Variants in SCN1A observed in about 807,000 individuals in gnomAD.
The protein encoded by SCN1A is sodium channel protein type 1 subunit alpha.
SCN1A carries 13 observed loss-of-function variants against 193.7 expected under a neutral mutation model. That is an observed-to-expected ratio of 0.07 (90% confidence interval 0.04 to 0.11). The LOEUF is 0.11. SCN1A is among the 10% of genes least tolerant of loss of function. The pLI, the probability that SCN1A is intolerant of heterozygous loss-of-function variation, is 1.00. For missense variants in SCN1A, 1,432 were observed against 2,451.1 expected, an observed-to-expected ratio of 0.58 and a Z score of 8.78; for synonymous variants, 781 against 843.6, an observed-to-expected ratio of 0.93 and a Z score of 1.29.
At chr2:166,103,223 G>A (rs1688313449) in intron 2 of SCN1A, among the ~76,000 whole-genome samples, 2 of 152,056 alleles carry the variant, frequency 1.3e-5, no homozygotes, top group Admixed American at 6.6e-5. Flanking sequence ...AGCCAAGGAG[G>A]GCGGATCACC....
chr2:166,107,899 T>C (rs1016027787), intron 2 of SCN1A, among the ~76,000 whole-genome samples: 1 of 152,100 alleles, frequency 6.6e-6, no homozygotes, highest in Admixed American at 6.6e-5. Context: ...GGTAATAATT[T>C]CTTGGCTGCA....
chr2:166,122,348 G>C (rs1384919468), intron 2 of SCN1A, among the ~76,000 whole-genome samples: 2 of 152,160 alleles, frequency 1.3e-5, no homozygotes, highest in African/African-American at 4.8e-5. Flanking sequence ...GGAAATATTT[G>C]CTCATTATCT....
intron 2 of SCN1A, among the ~76,000 whole-genome samples, chr2:166,086,279 C>T (rs947134100): frequency 3.3e-5 from 5 of 152,124 alleles, no homozygotes; most frequent in African/African-American, 9.7e-5. Context: ...ACTTTCCCTC[C>T]ATTGGTGCCT....
At chr2:166,005,080 T>C (rs1337793723) in intron 23 of SCN1A, among the ~76,000 whole-genome samples, 3 of 151,420 alleles carry the variant, frequency 2.0e-5, no homozygotes, top group African/African-American at 4.8e-5. Flanking sequence ...TGCTCCCACT[T>C]ATCTGGTACC....
chr2:166,075,211 A>C (rs1684871166), intron 3 of SCN1A: 1 of 152,104 alleles, frequency 6.6e-6, no homozygotes, highest in African/African-American at 2.4e-5. Flanking sequence ...TTGATAGAAA[A>C]TATATGTAAA....
intron 2 of SCN1A, among the ~76,000 whole-genome samples, chr2:166,078,209 T>C (rs566675313): frequency 6.6e-6 from 1 of 151,910 alleles, no homozygotes; most frequent in African/African-American, 2.4e-5. Context: ...GTTGTAACTA[T>C]ATACAATACC....
rs993567392 is a variant in SCN1A at position 166,141,303 on chromosome 2, G to A, written c.-50+7744C>T. On this transcript the variant is annotated intron_variant, in intron 1 of 26. Transcript: ENST00000635750. ...GGCCCAGTCTGCAGTGGCAATCGCT[G>A]TTAATTTTTTTTTTTTTATCTTCTT... Among the ~76,000 whole-genome samples the A allele has an allele frequency of 1.0e-4, 6 of 60,110 alleles. No homozygotes were observed. In the East Asian group the frequency reaches 2.0e-3, roughly 20 times the overall value. 39.4% of individuals were successfully genotyped at this position (60,110 alleles called of 152,430 possible).
intron 2 of SCN1A, among the ~76,000 whole-genome samples, chr2:166,105,777 C>T (rs1195408638): frequency 6.6e-6 from 1 of 152,164 alleles, no homozygotes; most frequent in Non-Finnish European, 1.5e-5. Context: ...AATTCCTTTT[C>T]AGGGATAGCA....
Position 166,002,461 on chromosome 2 carries a change from T to C in SCN1A, c.4284+11A>G. 6.2e-7 allele frequency: 1 copy of C among 1,607,358 alleles called. No individual in the cohort carries two copies. The highest frequency in any genetic ancestry group is 8.5e-7 in the Non-Finnish European group (1 of 1,175,342). On this transcript the variant is annotated intron_variant, in intron 24 of 28. Transcript: ENST00000674923. ...CAATAAAAATATTCAGAGAAAATAG[T>C]GTTCACTTACAACTTGAAGCAAAGA...
At chr2:166,144,342 A>G (rs1292214931) in intron 1 of SCN1A, among the ~76,000 whole-genome samples, 1 of 152,166 alleles carries the variant, frequency 6.6e-6, no homozygotes, top group Non-Finnish European at 1.5e-5. Context: ...TCAGTGTGGT[A>G]CCTCTGGTAA....
intron 2 of SCN1A, among the ~76,000 whole-genome samples, chr2:166,086,057 T>C (rs1055578137): frequency 6.6e-6 from 1 of 152,192 alleles, no homozygotes; most frequent in Admixed American, 6.5e-5. Flanking sequence ...AATAAAATTC[T>C]AAGCCCCCTG....
intron 2 of SCN1A, among the ~76,000 whole-genome samples, chr2:166,110,422 T>C (rs575685321): frequency 5.7e-4 from 87 of 152,264 alleles, no homozygotes; most frequent in African/African-American, 2.0e-3. Context: ...ACAAAAATGA[T>C]AAGAAAGTAA....
chr2:166,080,504 T>C (rs376961001), intron 2 of SCN1A, among the ~76,000 whole-genome samples: 1 of 151,780 alleles, frequency 6.6e-6, no homozygotes, highest in South Asian at 2.1e-4. Flanking sequence ...TCTGAAGGAA[T>C]TTTAAAAAAT....
intron 2 of SCN1A, among the ~76,000 whole-genome samples, chr2:166,099,391 C>G (rs1209729511): frequency 6.6e-6 from 1 of 150,888 alleles, no homozygotes; most frequent in Non-Finnish European, 1.5e-5. Flanking sequence ...TATGACAAAC[C>G]CACAGCCAAT....
intron 23 of SCN1A, among the ~76,000 whole-genome samples, chr2:166,004,835 A>G (rs1016979475): frequency 6.6e-6 from 1 of 151,476 alleles, no homozygotes; most frequent in African/African-American, 2.4e-5. Flanking sequence ...TTTAGTTCAA[A>G]TAGCACTTCT....
At chr2:166,072,709 A>T (rs1304221137) in intron 4 of SCN1A, among the ~76,000 whole-genome samples, 2 of 151,986 alleles carry the variant, frequency 1.3e-5, no homozygotes, top group Non-Finnish European at 2.9e-5. Flanking sequence ...ATTTCCAAGT[A>T]CAGAAAGTAC....
intron 2 of SCN1A, among the ~76,000 whole-genome samples, chr2:166,118,389 T>C (rs779850425): frequency 9.7e-5 from 14 of 144,746 alleles, no homozygotes; most frequent in Non-Finnish European, 1.9e-4. Flanking sequence ...TCTTCTTGAG[T>C]ATGCTCAAAC....
At position 165,989,079 on chromosome 2, in the gene SCN1A, C is replaced by T. The variant is rs1200995710; in HGVS notation, c.*2166G>A. ...GTGTGTGTGTGTGTGCGCGCGCGCT[C>T]CCCTTCTCCCCCAATTTGTAATGTA... On this transcript the variant is annotated 3_prime_UTR_variant, in exon 29 of 29. Transcript: ENST00000674923. 2.0e-5 allele frequency: 3 copies of T among 149,712 alleles called. No homozygotes were observed. The highest frequency in any genetic ancestry group is 7.4e-5 in the African/African-American group (3 of 40,496). 9.3% of individuals were successfully genotyped at this position (149,712 alleles called of 1,614,324 possible). A position where few individuals can be genotyped will look rare whatever the true frequency, so the allele number is the denominator to read the frequency against.
chr2:166,004,827 T>G (rs1463254321), intron 23 of SCN1A, among the ~76,000 whole-genome samples: 1 of 151,486 alleles, frequency 6.6e-6, no homozygotes, highest in East Asian at 1.9e-4. Context: ...TTAAAGGCTT[T>G]AGTTCAAATA....
Sources: allele counts gnomAD v4.1 joint callset (sites outside exome capture counted in the v4.1 genomes callset), GRCh38; gene constraint gnomAD v4.1.1; transcripts MANE v1.5; gene names NCBI Gene and HGNC (gene_info 2026-07-23, HGNC 2026-07-21).